MAN1A1: variants seen among roughly 807,000 people sequenced by gnomAD.
MAN1A1 encodes the protein mannosidase alpha class 1A member 1, also known as mannosyl-oligosaccharide 1,2-alpha-mannosidase IA.
In MAN1A1, 29 loss-of-function variants were observed where a neutral mutation model predicts 70.8. That is an observed-to-expected ratio of 0.41 (90% CI 0.31 to 0.56). The LOEUF is 0.56. Among genes scored for constraint, MAN1A1 ranks in the 20% least tolerant of loss-of-function variants. The pLI, the probability that MAN1A1 is intolerant of heterozygous loss-of-function variation, is 0.29. For synonymous variants in MAN1A1, 349 were observed against 330.1 expected, an observed-to-expected ratio of 1.06 and a Z score of -0.62; for missense variants, 747 against 841.3, an observed-to-expected ratio of 0.89 and a Z score of 1.39.
intron 6 of MAN1A1, among the ~76,000 whole-genome samples, chr6:119,217,674 T>G (rs1481341172): frequency 1.3e-5 from 2 of 152,194 alleles, no homozygotes; most frequent in African/African-American, 2.4e-5. Flanking sequence ...TTAAAAAAAT[T>G]TACACAAGTA....
Position 119,349,197 on chromosome 6 carries a change from C to A in MAN1A1, c.-132G>T. The A allele has an allele frequency of 8.2e-7, 1 of 1,221,370 alleles. No homozygotes were observed. Among genetic ancestry groups the A allele is most frequent in the Non-Finnish European group, 1.0e-6 (1 of 982,038 alleles). The allele number at this position is 1,221,370 out of a possible 1,614,324, so 75.7% of individuals were successfully genotyped here. On this transcript the variant is annotated 5_prime_UTR_variant, in exon 2 of 13. The change creates a new upstream start codon in the 5' untranslated region. Transcript: ENST00000368468. ...GACCCCCTCGGCTGGGCTGCGGATC[C>A]TCCCTGGGGGAACAACTCCGCGCCG...
intron 5 of MAN1A1, among the ~76,000 whole-genome samples, chr6:119,248,788 G>T (rs1031192717): frequency 7.2e-5 from 11 of 152,198 alleles, no homozygotes; most frequent in African/African-American, 2.4e-4. Context: ...CCTACCTTCA[G>T]CACTATTATT....
rs534743110 is a variant in MAN1A1 at position 119,256,769 on chromosome 6, G to A, written c.898-8415C>T. ...TCTCTTTTGTAAAATGGGAACACTC[G>A]ATAAGACACTTCCTGAGGAACGTTT... On this transcript the variant is annotated intron_variant, in intron 5 of 12. Transcript: ENST00000368468. 3.9e-5 allele frequency among the ~76,000 whole-genome samples: 6 copies of A among 152,162 alleles called. No individual in the cohort carries two copies. The South Asian group carries it at 1.2e-3, about 32-fold the overall frequency.
At chr6:119,290,653 T>C in intron 5 of MAN1A1, 30 bp downstream of exon 5, 1 of 1,510,848 alleles carries the variant, frequency 6.6e-7, no homozygotes, top group Non-Finnish European at 9.1e-7. Flanking sequence ...CACTTTATAA[T>C]TCACATTTAT....
chr6:119,205,676 G>C (rs1285905651), intron 6 of MAN1A1, among the ~76,000 whole-genome samples: 1 of 152,078 alleles, frequency 6.6e-6, no homozygotes, highest in Non-Finnish European at 1.5e-5. Flanking sequence ...AGTACTCTTG[G>C]GTACAGTTTA....
chr6:119,277,393 A>C (rs1776095521), intron 5 of MAN1A1, among the ~76,000 whole-genome samples: 1 of 152,258 alleles, frequency 6.6e-6, no homozygotes, highest in African/African-American at 2.4e-5. Flanking sequence ...TATCACAAGA[A>C]AGTCTGGCAA....
intron 4 of MAN1A1, among the ~76,000 whole-genome samples, chr6:119,294,919 T>C (rs1268919883): frequency 1.3e-5 from 2 of 152,168 alleles, no homozygotes; most frequent in Admixed American, 6.6e-5. Flanking sequence ...GTGTTTGAGA[T>C]TGATAACTTC....
At chr6:119,191,254 C>G (rs1467231223) in intron 9 of MAN1A1, among the ~76,000 whole-genome samples, 3 of 152,150 alleles carry the variant, frequency 2.0e-5, no homozygotes, top group Non-Finnish European at 4.4e-5. Context: ...CAATAAAGTC[C>G]TTCAAGCAGA....
chr6:119,345,458 G>C (rs892128986), intron 2 of MAN1A1, among the ~76,000 whole-genome samples: 1 of 152,126 alleles, frequency 6.6e-6, no homozygotes, highest in Non-Finnish European at 1.5e-5. Flanking sequence ...AAGGGAGGAA[G>C]ATCTTAATTC....
intron 4 of MAN1A1, among the ~76,000 whole-genome samples, chr6:119,293,829 A>C (rs559531198): frequency 1.4e-4 from 21 of 152,214 alleles, no homozygotes; most frequent in Admixed American, 3.3e-4. Context: ...CAGAAATCAG[A>C]AAGACCTGGG....
At chr6:119,289,726 T>A (rs1304693803) in intron 5 of MAN1A1, among the ~76,000 whole-genome samples, 1 of 151,956 alleles carries the variant, frequency 6.6e-6, no homozygotes, top group Non-Finnish European at 1.5e-5. Context: ...ATTGTGAAGG[T>A]TGTATGTTTT....
chr6:119,299,359 G>A (rs563165686), intron 4 of MAN1A1, among the ~76,000 whole-genome samples: 137 of 151,670 alleles, frequency 9.0e-4, no homozygotes, highest in African/African-American at 3.1e-3. Flanking sequence ...AAAGAGACCT[G>A]CAACAAATAT....
At chr6:119,264,186 A>G (rs942391754) in intron 5 of MAN1A1, among the ~76,000 whole-genome samples, 5 of 152,218 alleles carry the variant, frequency 3.3e-5, no homozygotes, top group African/African-American at 1.2e-4. Context: ...AACAGGCCCA[A>G]CCCAGATTTA....
At chr6:119,329,140 T>C (rs187499844) in intron 2 of MAN1A1, among the ~76,000 whole-genome samples, 10 of 152,184 alleles carry the variant, frequency 6.6e-5, no homozygotes, top group Admixed American at 5.9e-4. Flanking sequence ...CCCCTGGCCA[T>C]AGATGATTAG....
intron 4 of MAN1A1, among the ~76,000 whole-genome samples, chr6:119,294,432 A>G (rs993201233): frequency 3.9e-5 from 6 of 152,092 alleles, no homozygotes; most frequent in African/African-American, 1.4e-4. Flanking sequence ...AAATCTTGTG[A>G]GATTTATCCT....
chr6:119,288,386 G>A (rs1292837595), intron 5 of MAN1A1, among the ~76,000 whole-genome samples: 1 of 151,864 alleles, frequency 6.6e-6, no homozygotes, highest in Non-Finnish European at 1.5e-5. Flanking sequence ...AAAGTGTGTG[G>A]TATAAAACTT....
At chr6:119,327,788 G>T in intron 2 of MAN1A1, among the ~76,000 whole-genome samples, 1 of 152,080 alleles carries the variant, frequency 6.6e-6, no homozygotes, top group East Asian at 1.9e-4. Flanking sequence ...TACATATTTT[G>T]AAATGTGTAC....
intron 5 of MAN1A1, chr6:119,269,600 CT>C: frequency 5.5e-6 from 1 of 180,924 alleles, no homozygotes. Flanking sequence ...ATGTTGATGC[CT>C]TTGCAGTGCA....
rs1773830892 is a variant in MAN1A1 at position 119,349,127 on chromosome 6, G to C, written c.-62C>G. On this transcript the variant is annotated 5_prime_UTR_variant, in exon 2 of 13. Transcript: ENST00000368468. ...CAGCAGCCAAACTTCGCCGCCGCTGGGAGTCCGCGGCTGCGGGGCTGGGTC... is the reference window on the plus strand; with the variant it reads ...CAGCAGCCAAACTTCGCCGCCGCTGCGAGTCCGCGGCTGCGGGGCTGGGTC... 1.6e-5 allele frequency: 20 copies of C among 1,258,130 alleles called. No homozygotes were observed. The South Asian group carries it at 5.9e-4, about 37-fold the overall frequency. The allele number at this position is 1,258,130 out of a possible 1,614,324, so 77.9% of individuals were successfully genotyped here.
Sources: allele counts gnomAD v4.1 joint callset (sites outside exome capture counted in the v4.1 genomes callset), GRCh38; gene constraint gnomAD v4.1.1; transcripts MANE v1.5; gene names NCBI Gene and HGNC (gene_info 2026-07-23, HGNC 2026-07-21).